Variants in AFAP1 observed in about 807,000 individuals in gnomAD.
AFAP1 encodes the protein actin filament-associated protein 1.
Under a neutral mutation model 93.9 loss-of-function variants are expected in AFAP1, and 75 were observed. The observed-to-expected ratio is 0.80, with a 90% CI of 0.66 to 0.97. AFAP1 has a LOEUF of 0.97. Among genes scored for constraint, AFAP1 ranks in the 50% least tolerant of loss-of-function variants. The probability of loss-of-function intolerance (pLI) is 0.00; values close to 1 mark genes in which losing one functional copy is unlikely to be tolerated. For missense variants in AFAP1, 1,201 were observed against 1,050.8 expected (o/e 1.14, Z -1.98); for synonymous variants, 517 against 430.7 (o/e 1.20, Z -2.48).
At chr4:7,911,054 G>A (rs1560232368) in intron 1 of AFAP1, among the ~76,000 whole-genome samples, 2 of 151,988 alleles carry the variant, frequency 1.3e-5, no homozygotes, top group African/African-American at 4.8e-5. Flanking sequence ...AGCCATAAAC[G>A]CACGGGACAC....
intron 1 of AFAP1, among the ~76,000 whole-genome samples, chr4:7,928,352 C>T (rs1467877085): frequency 1.7e-4 from 26 of 152,162 alleles, no homozygotes; most frequent in Non-Finnish European, 4.4e-5. Context: ...CTCTACCACA[C>T]GTACCCAGGC....
At chr4:7,819,604 G>A (rs1042088705) in intron 6 of AFAP1, among the ~76,000 whole-genome samples, 5 of 152,290 alleles carry the variant, frequency 3.3e-5, no homozygotes, top group Middle Eastern at 3.4e-3. Flanking sequence ...AACAACTGGC[G>A]GGAAAGGGCT....
chr4:7,819,230 G>T, intron 6 of AFAP1, 59 bp from the exon 7 acceptor site: 2 of 1,469,568 alleles, frequency 1.4e-6, no homozygotes, highest in South Asian at 1.3e-5. Context: ...TTAAAGGCTT[G>T]AACTGTGAGT....
Position 7,778,779 on chromosome 4 carries a change from A to C in AFAP1, c.1880T>G (p.Val627Gly), listed in dbSNP as rs781291728. The change falls in exon 14 of 18, where the codon GTG (valine) becomes GGG (glycine). Residue 627 changes from valine to glycine, a missense_variant. Val to Gly is a moderately radical substitution (Grantham distance 109). Transcript: ENST00000420658. ...ATACTTACTCGAACCCGTCCTTTTC[A>C]CAACAGCCGCGGGATCCGCTTTCTT... ...QPKKADPAAV[V>G]KRTGSNAAQY... is the part of the protein sequence containing the mutation. 3.7e-6 allele frequency: 6 copies of C among 1,614,150 alleles called. No individual in the cohort carries two copies. The highest frequency in any genetic ancestry group is 5.1e-6 in the Non-Finnish European group (6 of 1,179,996).
chr4:7,865,423 T>C (rs1295629730), intron 3 of AFAP1, among the ~76,000 whole-genome samples: 1 of 152,230 alleles, frequency 6.6e-6, no homozygotes, highest in Non-Finnish European at 1.5e-5. Flanking sequence ...ATGTAATGTA[T>C]ACCTTTTTAA....
At chr4:7,868,259 C>A (rs981112043) in intron 3 of AFAP1, among the ~76,000 whole-genome samples, 1 of 152,122 alleles carries the variant, frequency 6.6e-6, no homozygotes, top group Non-Finnish European at 1.5e-5. Flanking sequence ...AGAATTAACT[C>A]AGAAGAGAGT....
intron 15 of AFAP1, 159 bp downstream of exon 15, chr4:7,774,580 G>T: frequency 8.6e-7 from 1 of 1,156,886 alleles, no homozygotes; most frequent in Non-Finnish European, 1.2e-6. Context: ...GGGGTTACCA[G>T]CAATGTTTCC....
rs1206915750 is a variant in AFAP1 at position 7,840,306 on chromosome 4, GT to G, written c.547-1604del. 6.7e-3 allele frequency among the ~76,000 whole-genome samples: 150 copies of G among 22,440 alleles called. 1 individual carries two copies. The highest frequency in any genetic ancestry group is 0.036 in the African/African-American group (128 of 3,572). 14.7% of individuals were successfully genotyped at this position (22,440 alleles called of 152,430 possible). On this transcript the variant is annotated intron_variant, in intron 5 of 17. Coordinates refer to ENST00000420658, the MANE Select transcript of AFAP1 (RefSeq NM_001134647.2). The stretch of plus-strand genomic sequence containing the variant: ...TGTGTGTTCCTGGTTTGTTTTTGGG[GT>G]GTGTGTGTGTGTGTGTGTGTGTTTG...
intron 16 of AFAP1, among the ~76,000 whole-genome samples, chr4:7,769,928 A>G (rs989216445): frequency 1.3e-5 from 2 of 152,162 alleles, no homozygotes; most frequent in African/African-American, 4.8e-5. Context: ...GAGTGAATAC[A>G]ATGGAATGAT....
chr4:7,793,731 A>G lies in AFAP1; in HGVS notation c.1362T>C (p.Ile454=), dbSNP rs1371356122. ...TDPEALHYDY[I]DVEMSASVIQ... ...TGACACTTGCAGACATCTCCACATC[A>G]ATGTAGTCATAGTGCAGAGCCTCCG... Residue 454 remains isoleucine, a synonymous_variant, in exon 11 of 18, where the codon ATT becomes ATC. Transcript: ENST00000420658. The G allele has an allele frequency of 3.8e-6, 6 of 1,579,370 alleles. No homozygotes were observed. The highest frequency in any genetic ancestry group is 1.7e-5 in the Admixed American group (1 of 59,654).
chr4:7,871,430 C>T (rs1717028699), intron 2 of AFAP1, among the ~76,000 whole-genome samples: 1 of 152,176 alleles, frequency 6.6e-6, no homozygotes, highest in Admixed American at 6.5e-5. Context: ...AAGTAAAAAC[C>T]CTGGACACCG....
chr4:7,881,366 C>T (rs1168628238), intron 1 of AFAP1, among the ~76,000 whole-genome samples: 1 of 152,130 alleles, frequency 6.6e-6, no homozygotes, highest in Non-Finnish European at 1.5e-5. Context: ...CTCCTCACCC[C>T]TCTGAATTCT....
chr4:7,814,450 C>G (rs893063408), intron 8 of AFAP1, among the ~76,000 whole-genome samples: 4 of 152,174 alleles, frequency 2.6e-5, no homozygotes, highest in Non-Finnish European at 5.9e-5. Flanking sequence ...AACATATGTC[C>G]ACGCAAAAAC....
intron 6 of AFAP1, among the ~76,000 whole-genome samples, chr4:7,824,446 G>C (rs988415881): frequency 1.6e-4 from 20 of 128,652 alleles, no homozygotes; most frequent in Non-Finnish European, 2.4e-4. Context: ...CACACACAGA[G>C]ACAGTCAGTT....
rs190509784 is a variant in AFAP1 at position 7,902,388 on chromosome 4, G to A, written c.-2-30308C>T. Among the ~76,000 whole-genome samples, 283 of 152,226 alleles carry A rather than the reference G, an allele frequency of 1.9e-3. 1 individual carries two copies. The highest frequency in any genetic ancestry group is 6.6e-3 in the African/African-American group (276 of 41,522). On this transcript the variant is annotated intron_variant, in intron 1 of 17. Transcript: ENST00000420658. ...CTGCATCTGTCTTCCTAAAATTATG[G>A]GTAATTATCAGCCCACAATGGCTGC... is the stretch of plus-strand genomic sequence containing the variant.
At chr4:7,847,658 A>G (rs772735686) in intron 4 of AFAP1, among the ~76,000 whole-genome samples, 23 of 152,218 alleles carry the variant, frequency 1.5e-4, no homozygotes, top group Admixed American at 2.6e-4. Context: ...GAGGTCATAA[A>G]CGTTTTGTGA....
At chr4:7,878,531 T>C (rs1432065484) in intron 1 of AFAP1, among the ~76,000 whole-genome samples, 2 of 152,186 alleles carry the variant, frequency 1.3e-5, no homozygotes, top group Non-Finnish European at 2.9e-5. Flanking sequence ...CTTGTTTTCC[T>C]CCAGGGCCTC....
intron 9 of AFAP1, among the ~76,000 whole-genome samples, chr4:7,808,357 C>T (rs558365816): frequency 2.6e-5 from 4 of 152,258 alleles, no homozygotes; most frequent in South Asian, 4.1e-4. Flanking sequence ...GATCCTCTCA[C>T]GGCCTCTTGG....
At position 7,855,511 on chromosome 4, in the gene AFAP1, C is replaced by T; in HGVS notation, c.289G>A (p.Ala97Thr). The stretch of plus-strand genomic sequence containing the variant: ...GCTTTTCCGGGGCTCAGCGGCACAG[C>T]TTCCTCATAATAACCTTCTGGGAGG... The part of the protein sequence containing the change: ...SSLPEGYYEE[A>T]VPLSPGKAPE... Residue 97 changes from alanine (A) to threonine (T), a missense_variant, in exon 4 of 18, where the codon GCT becomes ACT. Physicochemically the swap from Ala to Thr is moderately conservative, Grantham distance 58. Coordinates refer to ENST00000420658, the MANE Select transcript of AFAP1 (RefSeq NM_001134647.2). 1 of 1,613,872 alleles carries T rather than the reference C, an allele frequency of 6.2e-7. No individual in the cohort carries two copies. Among genetic ancestry groups the T allele is most frequent in the East Asian group, 2.2e-5 (1 of 44,882 alleles).
Sources: allele counts gnomAD v4.1 joint callset (sites outside exome capture counted in the v4.1 genomes callset), GRCh38; gene constraint gnomAD v4.1.1; transcripts MANE v1.5; gene names NCBI Gene and HGNC (gene_info 2026-07-23, HGNC 2026-07-21).